The following KCNAB1 variants were observed in gnomAD, a reference collection of about 807,000 sequenced individuals.
KCNAB1 encodes the protein voltage-gated potassium channel subunit beta-1.
A neutral mutation model predicts 64.6 loss-of-function variants in KCNAB1; 35 were observed. That is an observed-to-expected ratio of 0.54 (90% CI 0.41 to 0.72). The LOEUF (loss-of-function observed/expected upper bound fraction) is 0.72, where lower values mean the gene tolerates loss of function less well. Among genes scored for constraint, KCNAB1 ranks in the 30% least tolerant of loss-of-function variants. KCNAB1 has a pLI of 0.00. For synonymous variants in KCNAB1, 177 were observed against 183.8 expected (o/e 0.96, Z 0.30); for missense variants, 401 against 512.9 (o/e 0.78, Z 2.11).
intron 1 of KCNAB1, among the ~76,000 whole-genome samples, chr3:156,420,250 A>G (rs1715380426): frequency 6.6e-6 from 1 of 152,264 alleles, no homozygotes; most frequent in African/African-American, 2.4e-5. Context: ...TGGCATAGAC[A>G]TCAACGCTAC....
chr3:156,466,841 T>C (rs1027195676), intron 7 of KCNAB1, among the ~76,000 whole-genome samples: 2 of 152,108 alleles, frequency 1.3e-5, no homozygotes, highest in African/African-American at 4.8e-5. Flanking sequence ...TTGTGAGTAA[T>C]TTTTATTTCT....
At chr3:156,499,335 A>G (rs62287716) in intron 8 of KCNAB1, among the ~76,000 whole-genome samples, 1 of 152,198 alleles carries the variant, frequency 6.6e-6, no homozygotes, top group African/African-American at 2.4e-5. Flanking sequence ...AATAATGTGA[A>G]AAGACTATTG....
chr3:156,445,680 T>C (rs774461072), intron 2 of KCNAB1, among the ~76,000 whole-genome samples: 29 of 152,206 alleles, frequency 1.9e-4, no homozygotes, highest in Non-Finnish European at 2.9e-4. Context: ...TCCAGTGCAA[T>C]GGCTAAAATT....
At chr3:156,136,636 A>G (rs1219404565) in intron 1 of KCNAB1, among the ~76,000 whole-genome samples, 1 of 152,188 alleles carries the variant, frequency 6.6e-6, no homozygotes, top group Admixed American at 6.5e-5. Context: ...CTCATCTCCC[A>G]TCCTTTCGAC....
upstream of KCNAB1, chr3:156,120,505 A>G: frequency 7.9e-7 from 1 of 1,265,188 alleles, no homozygotes. Flanking sequence ...GGATAAGGTT[A>G]AGAGAGGTGG....
chr3:156,172,367 C>T (rs768186943), intron 1 of KCNAB1, among the ~76,000 whole-genome samples: 41 of 150,820 alleles, frequency 2.7e-4, no homozygotes, highest in Non-Finnish European at 4.4e-4. Flanking sequence ...GCAACCTCTG[C>T]CTCTCAGGCT....
chr3:156,236,153 T>C (rs1373402306), intron 1 of KCNAB1, among the ~76,000 whole-genome samples: 1 of 152,222 alleles, frequency 6.6e-6, no homozygotes, highest in Non-Finnish European at 1.5e-5. Context: ...GTTGGAAATG[T>C]AAAGCATCCC....
At chr3:156,211,297 C>T (rs559791839) in intron 1 of KCNAB1, among the ~76,000 whole-genome samples, 35 of 152,330 alleles carry the variant, frequency 2.3e-4, no homozygotes, top group African/African-American at 8.2e-4. Flanking sequence ...GGTTTGCTTA[C>T]TGCCTGATGC....
rs151060532 is a variant in KCNAB1, at chr3:156,516,346, T to G, written c.942T>G (p.Ser314Arg). The change falls in exon 11 of 14, where the codon AGT becomes AGG. Residue 314 changes from serine (S) to arginine (R), a missense_variant. Ser to Arg is a moderately radical substitution (Grantham distance 110). Transcript: ENST00000490337. ...SGKYGNGVPE[S>R]SRASLKCYQW... The stretch of plus-strand genomic sequence containing the variant: ...AATACGGAAACGGGGTGCCTGAAAG[T>G]TCCAGGGCTTCACTGAAGGTATTTT... The G allele has an allele frequency of 9.3e-6, 15 of 1,612,404 alleles. No individual in the cohort carries two copies. The East Asian group carries it at 2.9e-4, about 31-fold the overall frequency.
chr3:156,315,687 A>C (rs1234944591), intron 1 of KCNAB1, among the ~76,000 whole-genome samples: 1 of 152,186 alleles, frequency 6.6e-6, no homozygotes, highest in Non-Finnish European at 1.5e-5. Context: ...AACGTTTCTC[A>C]TTATCTATTC....
chr3:156,267,952 C>A (rs1387522168), intron 1 of KCNAB1, among the ~76,000 whole-genome samples: 1 of 151,894 alleles, frequency 6.6e-6, no homozygotes, highest in Non-Finnish European at 1.5e-5. Context: ...TAGTCACCTG[C>A]TTTTGCTATA....
At chr3:156,523,668 G>C (rs1372154720) in intron 11 of KCNAB1, 159 bp from the exon 12 acceptor site, 1 of 685,804 alleles carries the variant, frequency 1.5e-6, no homozygotes, top group Non-Finnish European at 2.5e-6. Context: ...AAGATCGTGA[G>C]GAACATTTCT....
chr3:156,218,807 T>TAATAATAA (rs1560142187), intron 1 of KCNAB1, among the ~76,000 whole-genome samples: 2 of 130,578 alleles, frequency 1.5e-5, no homozygotes, highest in African/African-American at 2.9e-5. Context: ...AAAAAAATAA[T>TAATAATAA]AATAAAATAA....
intron 1 of KCNAB1, chr3:156,143,080 A>T (rs1560105466): frequency 6.9e-7 from 1 of 1,454,108 alleles, no homozygotes; most frequent in Non-Finnish European, 9.1e-7. Context: ...TTTGAGGGAC[A>T]TACTGAAGCC....
chr3:156,339,276 A>G (rs146528521), intron 1 of KCNAB1, among the ~76,000 whole-genome samples: 4 of 152,250 alleles, frequency 2.6e-5, no homozygotes, highest in Non-Finnish European at 5.9e-5. Context: ...CATAAGGACT[A>G]TTTTATTTAC....
chr3:156,415,573 C>T (rs192947262), intron 1 of KCNAB1, among the ~76,000 whole-genome samples: 20 of 152,248 alleles, frequency 1.3e-4, no homozygotes, highest in South Asian at 4.1e-4. Flanking sequence ...CCACTCGCTG[C>T]GCTCTATCTC....
intron 1 of KCNAB1, among the ~76,000 whole-genome samples, chr3:156,228,454 C>T (rs1210364661): frequency 1.3e-5 from 2 of 152,244 alleles, no homozygotes; most frequent in Admixed American, 6.5e-5. Flanking sequence ...CCCTGAAATG[C>T]ATCTCATGTG....
chr3:156,350,640 ATGGAATTCTAAAT>A (rs1364448750), intron 1 of KCNAB1, among the ~76,000 whole-genome samples: 1 of 152,222 alleles, frequency 6.6e-6, no homozygotes, highest in Admixed American at 6.5e-5. Context: ...GAGAGGAAAA[ATGGAATTCTAAAT>A]TGCTTCATAA....
At chr3:156,419,510 G>GAAAAAAAAAAAAAAAAAAAA in intron 1 of KCNAB1, among the ~76,000 whole-genome samples, 1 of 97,508 alleles carries the variant, frequency 1.0e-5, no homozygotes, top group Non-Finnish European at 2.1e-5. Flanking sequence ...CAAAAAAAAA[G>GAAAAAAAAAAAAAAAAAAAA]AAAAAAAAAA....
Sources: gnomAD v4.1 joint callset for allele counts (sites outside exome capture counted in the v4.1 genomes callset) on GRCh38, gnomAD v4.1.1 for gene constraint, MANE v1.5 for transcripts, NCBI Gene and HGNC (gene_info 2026-07-23, HGNC 2026-07-21) for gene names.